EPHA5: variants seen among roughly 807,000 people sequenced by gnomAD.
EPHA5 encodes ephrin type-A receptor 5.
EPHA5 carries 60 observed loss-of-function variants against 105.0 expected under a neutral mutation model. The ratio of observed to expected loss-of-function variants is 0.57; its 90% confidence interval spans 0.46 to 0.71. The LOEUF is 0.71. Ranked by LOEUF, EPHA5 falls within the 30% of genes least tolerant of loss-of-function variation. The pLI, the probability that EPHA5 is intolerant of heterozygous loss-of-function variation, is 0.00. For synonymous variants in EPHA5, 513 were observed against 449.1 expected (o/e 1.14, Z -1.80); for missense variants, 1,218 against 1,274.7 (o/e 0.96, Z 0.68).
At chr4:65,397,813 C>T (rs1721396335) in intron 8 of EPHA5, among the ~76,000 whole-genome samples, 1 of 152,058 alleles carries the variant, frequency 6.6e-6, no homozygotes, top group South Asian at 2.1e-4. Context: ...GCTGTTTTCC[C>T]CAGAAAAATG....
intron 3 of EPHA5, among the ~76,000 whole-genome samples, chr4:65,588,284 C>T (rs187981156): frequency 6.6e-6 from 1 of 152,282 alleles, no homozygotes; most frequent in East Asian, 1.9e-4. Flanking sequence ...TATTCAGAAT[C>T]TTAGATCTTA....
intron 3 of EPHA5, among the ~76,000 whole-genome samples, chr4:65,498,523 A>T (rs1375773191): frequency 6.6e-6 from 1 of 151,886 alleles, no homozygotes; most frequent in African/African-American, 2.4e-5. Flanking sequence ...TGGTCCAGAA[A>T]GAGACAATGT....
At chr4:65,544,411 G>C (rs1409361592) in intron 3 of EPHA5, among the ~76,000 whole-genome samples, 4 of 151,660 alleles carry the variant, frequency 2.6e-5, no homozygotes, top group Non-Finnish European at 4.4e-5. Context: ...TAAAAAGTGG[G>C]CATACGATAT....
intron 2 of EPHA5, among the ~76,000 whole-genome samples, chr4:65,622,354 T>G (rs1158516828): frequency 6.6e-6 from 1 of 152,050 alleles, no homozygotes; most frequent in Non-Finnish European, 1.5e-5. Context: ...CACTTCAGCT[T>G]ATTTCATATA....
chr4:65,373,065 T>A (rs1395140276), intron 8 of EPHA5, among the ~76,000 whole-genome samples: 1 of 151,916 alleles, frequency 6.6e-6, no homozygotes, highest in Non-Finnish European at 1.5e-5. Context: ...CCCTGTTTTT[T>A]AAAAGTTTTA....
At chr4:65,537,487 T>A (rs1447166550) in intron 3 of EPHA5, among the ~76,000 whole-genome samples, 1 of 151,756 alleles carries the variant, frequency 6.6e-6, no homozygotes, top group Non-Finnish European at 1.5e-5. Context: ...ATAAACTAAA[T>A]GTCCCAAAGT....
At chr4:65,336,437 T>C (rs1172970054) in intron 14 of EPHA5, among the ~76,000 whole-genome samples, 1 of 152,234 alleles carries the variant, frequency 6.6e-6, no homozygotes, top group Middle Eastern at 3.4e-3. Flanking sequence ...ATACAGTTCA[T>C]GTTTTATTTA....
chr4:65,363,620 G>A (rs1402433072), intron 11 of EPHA5, among the ~76,000 whole-genome samples: 2 of 151,504 alleles, frequency 1.3e-5, no homozygotes, highest in African/African-American at 2.4e-5. Flanking sequence ...TGTGAATAAG[G>A]TGATGGAGAC....
rs1740690576 is a variant in EPHA5, at chr4:65,574,711, T to TATATATATACATATATATATAC, written c.910+26929_910+26930insGTATATATATATGTATATATAT. 5.3e-4 allele frequency among the ~76,000 whole-genome samples: 46 copies of TATATATATACATATATATATAC among 87,422 alleles called. 2 individuals carry two copies. In the South Asian group the frequency reaches 7.0e-3, roughly 13 times the overall value. 57.4% of individuals were successfully genotyped at this position (87,422 alleles called of 152,430 possible). On this transcript the variant is annotated intron_variant, in intron 3 of 16. Coordinates refer to ENST00000613740, the MANE Select transcript of EPHA5 (RefSeq NM_001281766.3). ...ATACATATATATACATATATATACA[T>TATATATATACATATATATATAC]ATATATATACATATATATACATATA...
At chr4:65,376,360 C>T (rs181989083) in intron 8 of EPHA5, among the ~76,000 whole-genome samples, 20 of 151,990 alleles carry the variant, frequency 1.3e-4, no homozygotes, top group African/African-American at 4.8e-4. Context: ...AATCGTAACC[C>T]CAGATGTATA....
chr4:65,665,206 CA>C (rs1454156555), intron 1 of EPHA5, among the ~76,000 whole-genome samples: 2 of 151,764 alleles, frequency 1.3e-5, no homozygotes, highest in Non-Finnish European at 2.9e-5. Flanking sequence ...TCTATTTTTA[CA>C]GTCAAAGGTA....
chr4:65,660,182 A>T (rs1171883058), intron 1 of EPHA5, among the ~76,000 whole-genome samples: 1 of 152,134 alleles, frequency 6.6e-6, no homozygotes, highest in Non-Finnish European at 1.5e-5. Context: ...TTTTTTAAAA[A>T]AATTCTGCCC....
intron 8 of EPHA5, among the ~76,000 whole-genome samples, chr4:65,371,537 A>G (rs1163709526): frequency 1.3e-5 from 2 of 152,088 alleles, no homozygotes; most frequent in Non-Finnish European, 2.9e-5. Context: ...AATAAAAAAT[A>G]TTTATGTAGA....
At chr4:65,640,973 T>A (rs1747611237) in intron 2 of EPHA5, among the ~76,000 whole-genome samples, 1 of 152,132 alleles carries the variant, frequency 6.6e-6, no homozygotes, top group Non-Finnish European at 1.5e-5. Flanking sequence ...ATCTAGCCCC[T>A]CACACAGAAG....
At chr4:65,515,660 T>C (rs1486985245) in intron 3 of EPHA5, among the ~76,000 whole-genome samples, 1 of 152,188 alleles carries the variant, frequency 6.6e-6, no homozygotes, top group Non-Finnish European at 1.5e-5. Context: ...CAATCTATTT[T>C]GTTATATTAT....
At chr4:65,411,642 G>A (rs1037927344) in intron 7 of EPHA5, among the ~76,000 whole-genome samples, 1 of 152,014 alleles carries the variant, frequency 6.6e-6, no homozygotes, top group Non-Finnish European at 1.5e-5. Context: ...AATACCAATA[G>A]GTTGGGAAAT....
chr4:65,381,773 C>A (rs1409739185), intron 8 of EPHA5, among the ~76,000 whole-genome samples: 1 of 151,680 alleles, frequency 6.6e-6, no homozygotes, highest in African/African-American at 2.4e-5. Context: ...AAGTGCCCAG[C>A]CCTCTTGAAT....
At chr4:65,598,323 T>C (rs1041229309) in intron 3 of EPHA5, among the ~76,000 whole-genome samples, 8 of 152,080 alleles carry the variant, frequency 5.3e-5, no homozygotes, top group African/African-American at 1.9e-4. Flanking sequence ...TATCCATCAA[T>C]TTTCAGACCA....
At chr4:65,351,130 GAAGT>G (rs1722774824) in intron 13 of EPHA5, among the ~76,000 whole-genome samples, 1 of 150,442 alleles carries the variant, frequency 6.6e-6, no homozygotes, top group Admixed American at 6.7e-5. Context: ...TATCCATTCT[GAAGT>G]AAGATTTTTT....
Sources: gnomAD v4.1 joint callset for allele counts (sites outside exome capture counted in the v4.1 genomes callset) on GRCh38, gnomAD v4.1.1 for gene constraint, MANE v1.5 for transcripts, NCBI Gene and HGNC (gene_info 2026-07-23, HGNC 2026-07-21) for gene names.